The following WNT10A variants were observed in gnomAD, a reference collection of about 807,000 sequenced individuals.
The protein encoded by WNT10A is protein Wnt-10a.
A neutral mutation model predicts 36.1 loss-of-function variants in WNT10A; 37 were observed. That is an observed-to-expected ratio of 1.02 (90% CI 0.79 to 1.35). The LOEUF (loss-of-function observed/expected upper bound fraction) is 1.35, where lower values mean the gene tolerates loss of function less well. WNT10A is among the 40% of genes most tolerant of loss of function. WNT10A has a pLI of 0.00. For missense variants in WNT10A, 613 were observed against 601.4 expected, an observed-to-expected ratio of 1.02 and a Z score of -0.20; for synonymous variants, 255 against 254.1, an observed-to-expected ratio of 1.00 and a Z score of -0.03.
rs1944666553 is a variant in WNT10A, at chr2:218,892,647, C to G, written c.757-127C>G. On this transcript the variant is annotated intron_variant, in intron 3 of 3. Transcript: ENST00000258411. The stretch of plus-strand genomic sequence containing the variant: ...TCTTCTGACTGCCTGGTTGTGGGAC[C>G]CTCGCTCCCGGCCTCAGCGTTTGCC... The G allele has an allele frequency of 7.9e-5, 114 of 1,442,460 alleles. 2 individuals are homozygous for G. The South Asian group carries it at 1.4e-3, about 18-fold the overall frequency. 89.4% of individuals were successfully genotyped at this position (1,442,460 alleles called of 1,614,324 possible). A position where few individuals can be genotyped will look rare whatever the true frequency, so the allele number is the denominator to read the frequency against.
intron 2 of WNT10A, among the ~76,000 whole-genome samples, chr2:218,884,985 A>T (rs896024498): frequency 1.3e-5 from 2 of 152,178 alleles, no homozygotes; most frequent in African/African-American, 4.8e-5. Context: ...GCCTTCTTTA[A>T]TGCTGTTACT....
In WNT10A at chr2:218,890,327, G is replaced by A. The variant is rs749960537; in HGVS notation, c.720G>A (p.Ala240=). 50 of 1,601,256 alleles carry A rather than the reference G, an allele frequency of 3.1e-5. No homozygotes were observed. Among genetic ancestry groups the A allele is most frequent in the South Asian group, 5.5e-5 (5 of 91,078 alleles). ...GGGAGCCTCACAGAGACATCCACGCGAGAATGAGGCTTCACAACAACCGAG... is the reference window on the plus strand; with the variant it reads ...GGGAGCCTCACAGAGACATCCACGCAAGAATGAGGCTTCACAACAACCGAG... ...DSREPHRDIH[A]RMRLHNNRVG... is the part of the protein sequence containing the mutation. Residue 240 remains alanine, a synonymous_variant, in exon 3 of 4, where the codon GCG becomes GCA. Transcript: ENST00000258411.
At position 218,882,206 on chromosome 2, in the gene WNT10A, CG is replaced by C; in HGVS notation, c.160del (p.Val54CysfsTer9). On this transcript the variant is annotated frameshift_variant, in exon 2 of 4. Transcript: ENST00000258411. LOFTEE classifies it high-confidence loss of function. ...TGGACCTCCGCCTCCCCCCGGAGCC[CG>C]TGCTCAATGCCAACACAGTGTGCCT... ...ILDLRLPPEPVLNANTVCLTL... is the reference protein window; with the variant it reads ...ILDLRLPPEPXLNANTVCLTL... 1 of 1,614,152 alleles carries C rather than the reference CG, an allele frequency of 6.2e-7. No individual in the cohort carries two copies. Among genetic ancestry groups the C allele is most frequent in the Non-Finnish European group, 8.5e-7 (1 of 1,180,016 alleles).
chr2:218,877,718 A>G (rs563352262), upstream of WNT10A, among the ~76,000 whole-genome samples: 1 of 152,300 alleles, frequency 6.6e-6, no homozygotes, highest in South Asian at 2.1e-4. The surrounding 1 kb of genome is among the most constrained non-coding windows in gnomAD (Gnocchi z 4.1). Context: ...TCGGGGAACA[A>G]TTCCCTTCCC....
chr2:218,892,925 A>C lies in WNT10A; in HGVS notation c.908A>C (p.His303Pro). The change falls in exon 4 of 4, where the codon CAC (histidine) becomes CCC (proline). Residue 303 changes from histidine to proline, a missense_variant. By Grantham distance (77) the His-to-Pro change is moderately conservative (BLOSUM62 -2). Transcript: ENST00000258411. ...RFHRATLIRP[H>P]NRNGGQLEPG... ...CACCGCGCCACGCTCATCCGGCCGC[A>C]CAACCGCAACGGCGGCCAGCTGGAG... 3 of 1,497,450 alleles carry C rather than the reference A, an allele frequency of 2.0e-6. No homozygotes were observed. Among genetic ancestry groups the C allele is most frequent in the South Asian group, 2.5e-5 (2 of 79,594 alleles). The allele number at this position is 1,497,450 out of a possible 1,614,324, so 92.8% of individuals were successfully genotyped here.
At chr2:218,879,673 A>G (rs752836287), upstream of WNT10A, among the ~76,000 whole-genome samples, 1 of 152,184 alleles carries the variant, frequency 6.6e-6, no homozygotes, top group Non-Finnish European at 1.5e-5. Flanking sequence ...GACAAGACTG[A>G]GAGTATCTGC....
chr2:218,881,138 T>A (rs1265349889), intron 1 of WNT10A, 30 bp downstream of exon 1: 2 of 1,567,122 alleles, frequency 1.3e-6, no homozygotes, highest in Non-Finnish European at 1.7e-6. Flanking sequence ...TCCGCCCTCC[T>A]AGAGAGTTGG....
upstream of WNT10A, chr2:218,880,730 G>T (rs1429295784): frequency 1.9e-5 from 8 of 423,850 alleles, no homozygotes; most frequent in South Asian, 3.8e-5. This position sits in a 1 kb window ranked among gnomAD's most constrained non-coding sequence, Gnocchi z 7.7. Context: ...TCGCGGGGGG[G>T]CCTCGGGAAA....
Position 218,880,900 on chromosome 2 carries a change from C to T in WNT10A, c.-96C>T, listed in dbSNP as rs1296054341. The T allele has an allele frequency of 5.1e-5, 72 of 1,411,852 alleles. No homozygotes were observed. Among genetic ancestry groups the T allele is most frequent in the Non-Finnish European group, 6.3e-5 (68 of 1,076,290 alleles). The allele number at this position is 1,411,852 out of a possible 1,614,324, so 87.5% of individuals were successfully genotyped here. A position where few individuals can be genotyped will look rare whatever the true frequency, so the allele number is the denominator to read the frequency against. On this transcript the variant is annotated 5_prime_UTR_variant, in exon 1 of 4. Transcript: ENST00000258411. The surrounding 1 kb of genome is among the most constrained non-coding windows in gnomAD (Gnocchi z 7.7). ...GAGTCGGAGCTGTGTGTCGCAGCCGCCCCGACCCCCCGCCGATCATGCGCC... is the reference window on the plus strand; with the variant it reads ...GAGTCGGAGCTGTGTGTCGCAGCCGTCCCGACCCCCCGCCGATCATGCGCC...
chr2:218,886,373 C>T (rs553080225), intron 2 of WNT10A, among the ~76,000 whole-genome samples: 6 of 152,266 alleles, frequency 3.9e-5, no homozygotes, highest in African/African-American at 1.4e-4. Context: ...GAATGGAGAC[C>T]AGACCTCTCC....
intron 2 of WNT10A, among the ~76,000 whole-genome samples, chr2:218,882,649 G>A (rs1479578234): frequency 6.6e-6 from 1 of 152,164 alleles, no homozygotes; most frequent in Non-Finnish European, 1.5e-5. Flanking sequence ...GAGGGTGGCA[G>A]GTTCCATGCC....
At chr2:218,882,999 G>C (rs1944535792) in intron 2 of WNT10A, among the ~76,000 whole-genome samples, 1 of 152,208 alleles carries the variant, frequency 6.6e-6, no homozygotes, top group African/African-American at 2.4e-5. Context: ...TGTGTGCAGT[G>C]GCTCCTGCCA....
At chr2:218,874,989 T>C in the WNT10A span, among the ~76,000 whole-genome samples, 1 of 151,838 alleles carries the variant, frequency 6.6e-6, no homozygotes, top group African/African-American at 2.4e-5. Flanking sequence ...CATGGCTGCA[T>C]TCTGCTGGAG....
At chr2:218,874,384 C>T in the WNT10A span, among the ~76,000 whole-genome samples, 1 of 152,200 alleles carries the variant, frequency 6.6e-6, no homozygotes, top group Non-Finnish European at 1.5e-5. Flanking sequence ...GCTATCTCCC[C>T]TTGGCATTCT....
intron 2 of WNT10A, chr2:218,884,157 C>G (rs563384879): frequency 1.2e-4 from 19 of 152,612 alleles, no homozygotes; most frequent in Admixed American, 1.2e-3. Flanking sequence ...CCCTTTAGAC[C>G]GAGTGAATCC....
chr2:218,877,372 G>A (rs956798587), upstream of WNT10A, among the ~76,000 whole-genome samples: 10 of 152,178 alleles, frequency 6.6e-5, no homozygotes, highest in African/African-American at 2.2e-4. The surrounding 1 kb of genome is among the most constrained non-coding windows in gnomAD (Gnocchi z 4.1). Flanking sequence ...ATGAAGGGTG[G>A]GAGTGATTAC....
chr2:218,890,009 C>T lies in WNT10A; in HGVS notation c.402C>T (p.Tyr134=), dbSNP rs766593230. 2.2e-5 allele frequency: 35 copies of T among 1,613,306 alleles called. No individual in the cohort carries two copies. Among genetic ancestry groups the T allele is most frequent in the East Asian group, 1.3e-4 (6 of 44,900 alleles). Reference sequence around the variant, plus strand: ...GTTTCCGAGAGAGCGCTTTTGCCTACGCCATCGCAGCAGCTGGCGTGGTGC... The same window carrying T: ...GTTTCCGAGAGAGCGCTTTTGCCTATGCCATCGCAGCAGCTGGCGTGGTGC... ...SRGFRESAFA[Y]AIAAAGVVHA... The change falls in exon 3 of 4, where the codon TAC becomes TAT. Residue 134 remains tyrosine, a synonymous_variant. Coordinates refer to ENST00000258411, the MANE Select transcript of WNT10A (RefSeq NM_025216.3).
At position 218,887,576 on chromosome 2, in the gene WNT10A, C is replaced by T. The variant is rs547881101; in HGVS notation, c.377-2408C>T. Among the ~76,000 whole-genome samples, 58 of 152,216 alleles carry T rather than the reference C, an allele frequency of 3.8e-4. No individual in the cohort carries two copies. The South Asian group carries it at 0.012, about 31-fold the overall frequency. ...CCTCTTCTCTGCTCATAGCTGAGCT[C>T]CTTATGCAAAAATGTACTGAGATGC... On this transcript the variant is annotated intron_variant, in intron 2 of 3. Coordinates refer to ENST00000258411, the MANE Select transcript of WNT10A (RefSeq NM_025216.3).
chr2:218,879,794 G>T (rs1944488318), upstream of WNT10A, among the ~76,000 whole-genome samples: 1 of 152,192 alleles, frequency 6.6e-6, no homozygotes, highest in African/African-American at 2.4e-5. Context: ...ACCTCTTTGA[G>T]CCTCGATATT....
Sources: gnomAD v4.1 joint callset for allele counts (sites outside exome capture counted in the v4.1 genomes callset) on GRCh38, gnomAD v4.1.1 for gene constraint, Gnocchi (gnomAD v3.1) non-coding constraint, MANE v1.5 for transcripts, NCBI Gene and HGNC (gene_info 2026-07-23, HGNC 2026-07-21) for gene names.